FAM124A: variants seen among roughly 807,000 people sequenced by gnomAD.
The protein encoded by FAM124A is protein FAM124A.
In FAM124A, 23 loss-of-function variants were observed where a neutral mutation model predicts 24.5. The ratio of observed to expected loss-of-function variants is 0.94; its 90% CI spans 0.68 to 1.33. FAM124A has a LOEUF of 1.33. Among genes scored for constraint, FAM124A ranks in the 40% most tolerant of loss-of-function variants. FAM124A has a pLI of 0.00. For missense variants in FAM124A, 623 were observed against 722.8 expected (o/e 0.86, Z 1.58); for synonymous variants, 287 against 314.7 (o/e 0.91, Z 0.93).
In FAM124A at chr13:51,248,918, A is replaced by G. The variant is rs576203337; in HGVS notation, c.101-2550A>G. On this transcript the variant is annotated intron_variant, in intron 2 of 3. Transcript: ENST00000322475. ...TGTCTGGACTCTTCACTAGTCTTCT[A>G]ACTCCTTATTTTGCCTATAGCCAAC... Among the ~76,000 whole-genome samples the G allele has an allele frequency of 2.0e-5, 3 of 152,238 alleles. No individual in the cohort carries two copies. In the East Asian group the frequency reaches 5.8e-4, roughly 29 times the overall value.
chr13:51,250,066 CACTT>C (rs1954602550), intron 2 of FAM124A, among the ~76,000 whole-genome samples: 1 of 152,188 alleles, frequency 6.6e-6, no homozygotes, highest in African/African-American at 2.4e-5. Flanking sequence ...TCAAGTGAGA[CACTT>C]AATAGGGTTG....
chr13:51,230,468 G>A (rs183898297), intron 1 of FAM124A, among the ~76,000 whole-genome samples: 11 of 152,270 alleles, frequency 7.2e-5, no homozygotes, highest in South Asian at 2.1e-4. Flanking sequence ...GCATAACTTC[G>A]TCCCCTAACT....
chr13:51,251,366 T>C lies in FAM124A; in HGVS notation c.101-102T>C, dbSNP rs1475694567. The C allele has an allele frequency of 2.2e-6, 3 of 1,359,150 alleles. No individual in the cohort carries two copies. Among genetic ancestry groups the C allele is most frequent in the Admixed American group, 2.7e-5 (1 of 37,084 alleles). The allele number at this position is 1,359,150 out of a possible 1,614,324, so 84.2% of individuals were successfully genotyped here. A position where few individuals can be genotyped will look rare whatever the true frequency, so the allele number is the denominator to read the frequency against. On this transcript the variant is annotated intron_variant, in intron 2 of 3. Coordinates refer to ENST00000322475, the MANE Select transcript of FAM124A (RefSeq NM_001242312.2). The surrounding 1 kb of genome is among the most constrained non-coding windows in gnomAD (Gnocchi z 5.3). ...TCATGGAGTCAGTTCAGTTAGAATTTGACTTCTCTTCCTGTCAAGCCTGTA... is the reference window on the plus strand; with the variant it reads ...TCATGGAGTCAGTTCAGTTAGAATTCGACTTCTCTTCCTGTCAAGCCTGTA...
rs1308956539 is a variant in FAM124A at position 51,283,964 on chromosome 13, A to G, written c.*2708A>G. 6.6e-6 allele frequency: 1 copy of G among 152,192 alleles called. No homozygotes were observed. The highest frequency in any genetic ancestry group is 1.5e-5 in the Non-Finnish European group (1 of 68,054). 9.4% of individuals were successfully genotyped at this position (152,192 alleles called of 1,614,324 possible). A position where few individuals can be genotyped will look rare whatever the true frequency, so the allele number is the denominator to read the frequency against. On this transcript the variant is annotated 3_prime_UTR_variant, in exon 4 of 4. Coordinates refer to ENST00000322475, the MANE Select transcript of FAM124A (RefSeq NM_001242312.2). ...TAAAGGACATCATAGACAACATTTG[A>G]AAGCAAGAAATGCAAAATGTTCCCA...
At chr13:51,254,353 TTCC>T (rs776706024) in intron 3 of FAM124A, among the ~76,000 whole-genome samples, 13 of 152,332 alleles carry the variant, frequency 8.5e-5, no homozygotes, top group Middle Eastern at 3.4e-3. Flanking sequence ...TTTTGGGGAC[TTCC>T]TCCTCCCATT....
chr13:51,246,403 G>GT (rs1491169058), intron 2 of FAM124A, among the ~76,000 whole-genome samples: 3 of 84,640 alleles, frequency 3.5e-5, no homozygotes, highest in African/African-American at 1.3e-4. Flanking sequence ...TTCTCGTGGG[G>GT]TGGGGGGGGG....
chr13:51,269,413 T>C (rs564157063), intron 3 of FAM124A, among the ~76,000 whole-genome samples: 1 of 152,360 alleles, frequency 6.6e-6, no homozygotes, highest in African/African-American at 2.4e-5. Flanking sequence ...TAGTTTAGAA[T>C]TGATTTAGAT....
At position 51,275,209 on chromosome 13, in the gene FAM124A, C is replaced by CAAA. The variant is rs34573330; in HGVS notation, c.835-5224_835-5222dup. 2.6e-4 allele frequency among the ~76,000 whole-genome samples: 27 copies of CAAA among 101,920 alleles called. No homozygotes were observed. The South Asian group carries it at 5.1e-3, about 19-fold the overall frequency. The allele number at this position is 101,920 out of a possible 152,430, so 66.9% of individuals were successfully genotyped here. On this transcript the variant is annotated intron_variant, in intron 3 of 3. Coordinates refer to ENST00000322475, the MANE Select transcript of FAM124A (RefSeq NM_001242312.2). ...GAAACATAGCCAGACCCTGTATATA[C>CAAA]AAAAAAAAAAAAAAAAAAATTGGCT...
chr13:51,239,086 G>T (rs1954465331), intron 2 of FAM124A, among the ~76,000 whole-genome samples: 1 of 152,096 alleles, frequency 6.6e-6, no homozygotes, highest in Admixed American at 6.5e-5. Flanking sequence ...AAGCTGAAGT[G>T]GTACTTCAGG....
intron 3 of FAM124A, among the ~76,000 whole-genome samples, chr13:51,270,111 C>T (rs1052580801): frequency 2.0e-5 from 3 of 152,140 alleles, no homozygotes; most frequent in African/African-American, 4.8e-5. Context: ...TCTGAAGGCC[C>T]TTTGCAACTC....
chr13:51,240,417 T>A (rs925470034), intron 2 of FAM124A, among the ~76,000 whole-genome samples: 4 of 152,238 alleles, frequency 2.6e-5, no homozygotes, highest in African/African-American at 9.6e-5. Context: ...AACCTGTGCT[T>A]AGAAGAATGA....
chr13:51,264,283 C>G (rs1376162018), intron 3 of FAM124A, among the ~76,000 whole-genome samples: 1 of 152,188 alleles, frequency 6.6e-6, no homozygotes, highest in Non-Finnish European at 1.5e-5. Context: ...CCAAGGCACC[C>G]CCTCTCCCTG....
At chr13:51,261,975 A>G (rs1954742999) in intron 3 of FAM124A, among the ~76,000 whole-genome samples, 1 of 152,244 alleles carries the variant, frequency 6.6e-6, no homozygotes, top group African/African-American at 2.4e-5. Flanking sequence ...CCAAGTTCAC[A>G]GCTGGTTCCG....
chr13:51,252,070 G>A lies in FAM124A; in HGVS notation c.703G>A (p.Asp235Asn), dbSNP rs767755117. The change falls in exon 3 of 4, where the codon GAC (aspartate) becomes AAC (asparagine). Residue 235 changes from aspartate to asparagine, a missense_variant. Physicochemically the swap from Asp to Asn is conservative, Grantham distance 23. Transcript: ENST00000322475. The stretch of plus-strand genomic sequence containing the variant: ...CTGTGACCAGTGCCCGGTGCCCACC[G>A]ACTCCTCCGTGCTGGAGTTCCGAGT... ...LPCDQCPVPT[D>N]SSVLEFRVRD... 1 of 1,613,984 alleles carries A rather than the reference G, an allele frequency of 6.2e-7. No individual in the cohort carries two copies. The highest frequency in any genetic ancestry group is 2.2e-5 in the East Asian group (1 of 44,888).
chr13:51,275,935 A>G (rs191759564), intron 3 of FAM124A, among the ~76,000 whole-genome samples: 3 of 152,354 alleles, frequency 2.0e-5, no homozygotes, highest in Admixed American at 1.3e-4. Flanking sequence ...ATGAGGCTTC[A>G]CAGCAGCACC....
intron 3 of FAM124A, among the ~76,000 whole-genome samples, chr13:51,263,357 T>C (rs931470155): frequency 2.0e-5 from 3 of 152,216 alleles, no homozygotes; most frequent in Non-Finnish European, 4.4e-5. Context: ...TTGCCAACCT[T>C]TGTGTTCCCC....
intron 3 of FAM124A, 148 bp downstream of exon 3, chr13:51,252,349 GC>G: frequency 8.9e-7 from 1 of 1,120,724 alleles, no homozygotes; most frequent in Non-Finnish European, 1.2e-6. Context: ...AGTCAAAGTG[GC>G]CATACAGGAT....
chr13:51,262,613 C>G (rs775122632), intron 3 of FAM124A, among the ~76,000 whole-genome samples: 1 of 152,178 alleles, frequency 6.6e-6, no homozygotes, highest in Non-Finnish European at 1.5e-5. Flanking sequence ...TCTGCTGCAA[C>G]CTCCTTCCCA....
chr13:51,278,486 A>G (rs1357725599), intron 3 of FAM124A, among the ~76,000 whole-genome samples: 2 of 152,184 alleles, frequency 1.3e-5, no homozygotes, highest in Non-Finnish European at 2.9e-5. Flanking sequence ...ATACCACCAG[A>G]TCCGCCCATA....
Sources: gnomAD v4.1 joint callset for allele counts (sites outside exome capture counted in the v4.1 genomes callset) on GRCh38, gnomAD v4.1.1 for gene constraint, Gnocchi (gnomAD v3.1) non-coding constraint, MANE v1.5 for transcripts, NCBI Gene and HGNC (gene_info 2026-07-23, HGNC 2026-07-21) for gene names.